Variants in NF1 observed in about 807,000 individuals in gnomAD.
NF1 encodes neurofibromin 1.
In NF1, 122 loss-of-function variants were observed where a neutral mutation model predicts 325.7. The ratio of observed to expected loss-of-function variants is 0.37; its 90% CI spans 0.32 to 0.44. The LOEUF (loss-of-function observed/expected upper bound fraction) is 0.44. Ranked by LOEUF, NF1 falls within the 20% of genes least tolerant of loss-of-function variation. NF1 has a pLI of 1.00. For missense variants in NF1, 2,140 were observed against 3,415.4 expected (o/e 0.63, Z 9.31); for synonymous variants, 1,091 against 1,186.0 (o/e 0.92, Z 1.65).
rs565515877 is a variant in NF1, at chr17:31,095,380, C to T, written c.60+11C>T. The T allele has an allele frequency of 1.0e-5, 16 of 1,538,552 alleles. No individual in the cohort carries two copies. The highest frequency in any genetic ancestry group is 2.4e-5 in the East Asian group (1 of 40,976). On this transcript the variant is annotated intron_variant, in intron 1 of 57. Transcript: ENST00000358273. ...CGCTTCGACGAGCAGGTAACCGGCC[C>T]GTGGCGGGCGGGAGGTGGGAGCGGA... is the stretch of plus-strand genomic sequence containing the variant.
intron 2 of NF1, 71 bp downstream of exon 2, chr17:31,156,197 C>A (rs2143629036): frequency 6.5e-7 from 1 of 1,547,166 alleles, no homozygotes; most frequent in Non-Finnish European, 8.9e-7. Context: ...TTTAGAACAG[C>A]ATATTTTGAA....
intron 36 of NF1, among the ~76,000 whole-genome samples, chr17:31,308,447 G>A (rs1242528940): frequency 1.3e-5 from 2 of 152,122 alleles, no homozygotes; most frequent in East Asian, 3.9e-4. Context: ...GGCCTGTTAA[G>A]ATAAAACTTC....
At chr17:31,349,346 G>C (rs76335477) in intron 49 of NF1, 95 bp downstream of exon 49, 1 of 1,291,956 alleles carries the variant, frequency 7.7e-7, no homozygotes, top group South Asian at 1.3e-5. Context: ...TGGCGGTTGC[G>C]TGGCAGAGCA....
intron 1 of NF1, 106 bp downstream of exon 1, chr17:31,095,475 T>G (rs1911581762): frequency 4.0e-6 from 4 of 993,632 alleles, no homozygotes; most frequent in Non-Finnish European, 4.1e-6. Flanking sequence ...CCTCAGGCTC[T>G]GGAGGAAAGG....
At chr17:31,330,884 T>C in intron 39 of NF1, 1 of 187,574 alleles carries the variant, frequency 5.3e-6, no homozygotes, top group Non-Finnish European at 1.1e-5. Context: ...TTCTCTTTTC[T>C]TTAGGTTGAC....
chr17:31,177,333 C>G (rs1158795298), intron 5 of NF1, among the ~76,000 whole-genome samples: 1 of 151,958 alleles, frequency 6.6e-6, no homozygotes, highest in Non-Finnish European at 1.5e-5. Context: ...AGGGTTCTGC[C>G]TGTTAGAAGG....
intron 57 of NF1, among the ~76,000 whole-genome samples, chr17:31,372,975 C>T (rs2070673460): frequency 1.3e-5 from 2 of 152,140 alleles, no homozygotes; most frequent in African/African-American, 4.8e-5. Context: ...ATGATCACAC[C>T]ACTGCACTGC....
At chr17:31,341,466 T>C (rs980149371) in intron 47 of NF1, among the ~76,000 whole-genome samples, 2 of 151,982 alleles carry the variant, frequency 1.3e-5, no homozygotes, top group Non-Finnish European at 2.9e-5. Flanking sequence ...GAGGTTGCAG[T>C]GAGCTGAGAT....
chr17:31,125,715 T>A (rs1278414407), intron 1 of NF1, among the ~76,000 whole-genome samples: 1 of 152,050 alleles, frequency 6.6e-6, no homozygotes, highest in Non-Finnish European at 1.5e-5. Context: ...TTTGTATTTT[T>A]ATTAGAGACG....
chr17:31,191,021 C>G (rs1320209663), intron 8 of NF1, among the ~76,000 whole-genome samples: 2 of 152,004 alleles, frequency 1.3e-5, no homozygotes, highest in African/African-American at 4.8e-5. Flanking sequence ...TGTTGTACAC[C>G]TTAAATATAT....
intron 4 of NF1, among the ~76,000 whole-genome samples, chr17:31,165,775 G>C (rs752601172): frequency 9.9e-5 from 15 of 151,998 alleles, no homozygotes; most frequent in Non-Finnish European, 1.9e-4. Context: ...CTGCAGCCTC[G>C]ACCTCCTGGG....
chr17:31,100,100 G>A (rs1036880811), intron 1 of NF1, among the ~76,000 whole-genome samples: 1 of 151,314 alleles, frequency 6.6e-6, no homozygotes, highest in Admixed American at 6.6e-5. Context: ...TTCCATATCT[G>A]ATCAAGCAAA....
At chr17:31,213,393 A>G (rs1174338952) in intron 12 of NF1, among the ~76,000 whole-genome samples, 1 of 152,222 alleles carries the variant, frequency 6.6e-6, no homozygotes, top group East Asian at 1.9e-4. Context: ...GTATAATAAC[A>G]AATGCATATT....
chr17:31,295,467 T>G, intron 36 of NF1: 1 of 1,614,186 alleles, frequency 6.2e-7, no homozygotes, highest in Non-Finnish European at 8.5e-7. Context: ...AGAGAGTTAA[T>G]GGTGTCCACT....
intron 36 of NF1, chr17:31,295,791 G>A: frequency 6.2e-7 from 1 of 1,614,168 alleles, no homozygotes; most frequent in Non-Finnish European, 8.5e-7. Context: ...GGAAGAATTT[G>A]TGTCAAAGAA....
At chr17:31,286,689 C>G (rs1215105183) in intron 36 of NF1, among the ~76,000 whole-genome samples, 1 of 152,110 alleles carries the variant, frequency 6.6e-6, no homozygotes, top group Non-Finnish European at 1.5e-5. Context: ...AATAATATAA[C>G]TCATAAATGG....
chr17:31,244,091 G>A (rs536753801), intron 29 of NF1, among the ~76,000 whole-genome samples: 2 of 152,252 alleles, frequency 1.3e-5, no homozygotes, highest in South Asian at 4.1e-4. Flanking sequence ...TCTGGCCCAG[G>A]GTTTGTTTAG....
intron 8 of NF1, among the ~76,000 whole-genome samples, chr17:31,187,681 T>C (rs1205950301): frequency 6.6e-6 from 1 of 152,098 alleles, no homozygotes; most frequent in African/African-American, 2.4e-5. Context: ...GTTTCTCCCA[T>C]AGCCAGGATT....
intron 15 of NF1, chr17:31,222,218 A>C: frequency 9.1e-7 from 1 of 1,100,408 alleles, no homozygotes; most frequent in Non-Finnish European, 1.1e-6. Flanking sequence ...TGTGGTTACT[A>C]CTGTATTTTT....
Sources: allele counts gnomAD v4.1 joint callset (sites outside exome capture counted in the v4.1 genomes callset), GRCh38; gene constraint gnomAD v4.1.1; transcripts MANE v1.5; gene names NCBI Gene and HGNC (gene_info 2026-07-23, HGNC 2026-07-21).